RGL3: variants seen among roughly 807,000 people sequenced by gnomAD.
RGL3 encodes ral guanine nucleotide dissociation stimulator like 3.
Under a neutral mutation model 90.6 loss-of-function variants are expected in RGL3, and 85 were observed. The ratio of observed to expected loss-of-function variants is 0.94; its 90% confidence interval spans 0.79 to 1.12. The LOEUF (loss-of-function observed/expected upper bound fraction) is 1.12. Among genes scored for constraint, RGL3 ranks in the 50% most tolerant of loss-of-function variants. RGL3 has a pLI of 0.00. For missense variants in RGL3, 1,034 were observed against 939.2 expected (o/e 1.10, Z -1.32); for synonymous variants, 408 against 385.5 (o/e 1.06, Z -0.68).
intron 15 of RGL3, 25 bp from the exon 16 acceptor site, chr19:11,399,976 T>C (rs762459338): frequency 5.1e-6 from 8 of 1,568,302 alleles, no homozygotes; most frequent in Non-Finnish European, 6.9e-6. Context: ...GAGGCTGAGG[T>C]GGGGTGGCTG....
rs1248763466 is a variant in RGL3 at position 11,405,326 on chromosome 19, C to T, written c.1097G>A (p.Ser366Asn). The T allele has an allele frequency of 5.0e-6, 8 of 1,613,316 alleles. No individual in the cohort carries two copies. In the Admixed American group the frequency reaches 1.3e-4, roughly 27 times the overall value. Reference sequence around the variant, plus strand: ...AACAGGTCCCGCCCCAGCTCACCGGCTCACTGCCCCCCAGCTGCGCTTGAG... The same window carrying T: ...AACAGGTCCCGCCCCAGCTCACCGGTTCACTGCCCCCCAGCTGCGCTTGAG... ...YRLKRSWGAV[S>N]REPLSTFRKL... The change falls in exon 8 of 19, where the codon AGC (serine) becomes AAC (asparagine). Residue 366 changes from serine to asparagine, a missense_variant. Physicochemically the swap from Ser to Asn is conservative, Grantham distance 46. Transcript: ENST00000380456.
At chr19:11,414,338 TAC>T (rs1568341764) in intron 5 of RGL3, among the ~76,000 whole-genome samples, 2 of 110,036 alleles carry the variant, frequency 1.8e-5, no homozygotes, top group Non-Finnish European at 3.6e-5. Context: ...TATATATATA[TAC>T]CTTTATATAT....
At chr19:11,400,356 T>A in intron 13 of RGL3, 59 bp from the exon 14 acceptor site, 1 of 1,425,962 alleles carries the variant, frequency 7.0e-7, no homozygotes, top group Non-Finnish European at 9.4e-7. Flanking sequence ...GATGGAGAGA[T>A]AAGAGTTGGA....
At position 11,399,819 on chromosome 19, in the gene RGL3, C is replaced by T. The variant is rs544273850; in HGVS notation, c.1746+36G>A. 2.1e-5 allele frequency: 26 copies of T among 1,219,722 alleles called. No individual in the cohort carries two copies. The Admixed American group carries it at 4.4e-4, about 20-fold the overall frequency. 75.6% of individuals were successfully genotyped at this position (1,219,722 alleles called of 1,614,324 possible). A position where few individuals can be genotyped will look rare whatever the true frequency, so the allele number is the denominator to read the frequency against. On this transcript the variant is annotated intron_variant, in intron 16 of 18. Coordinates refer to ENST00000380456, the MANE Select transcript of RGL3 (RefSeq NM_001035223.4). The stretch of plus-strand genomic sequence containing the variant: ...TGCACACACACAGAGCCTGGGTGCC[C>T]GCAGGCCCGCATGCACACACAAGCC...
rs1315552688 is a variant in RGL3, at chr19:11,402,212, C to T, written c.1362+3G>A. On this transcript the variant is annotated splice_donor_region_variant and intron_variant, in intron 12 of 18. Transcript: ENST00000380456. ...CACCACACCCACTGTAGCCTCCACT[C>T]ACCTTCCTCCTCTTCTCAAAGTTAA... is the stretch of plus-strand genomic sequence containing the variant. The T allele has an allele frequency of 5.0e-6, 8 of 1,613,160 alleles. No individual in the cohort carries two copies. The highest frequency in any genetic ancestry group is 6.8e-6 in the Non-Finnish European group (8 of 1,179,722).
chr19:11,398,036 A>G (rs1968609332), intron 16 of RGL3, among the ~76,000 whole-genome samples: 1 of 152,038 alleles, frequency 6.6e-6, no homozygotes, highest in South Asian at 2.1e-4. Flanking sequence ...TAATAAAATA[A>G]AATAAAATCT....
intron 1 of RGL3, 158 bp from the exon 2 acceptor site, chr19:11,418,942 C>A: frequency 1.5e-6 from 1 of 652,132 alleles, no homozygotes; most frequent in African/African-American, 1.9e-5. Context: ...AGGCTAGTCC[C>A]CTCCTCGCTG....
At chr19:11,405,260 G>A (rs748420323) in intron 8 of RGL3, 29 bp from the exon 9 acceptor site, 1 of 1,612,898 alleles carries the variant, frequency 6.2e-7, no homozygotes, top group Non-Finnish European at 8.5e-7. Flanking sequence ...GGTGGTCAGG[G>A]GTCAGTGGCT....
rs771769943 is a variant in RGL3, at chr19:11,397,217, C to G, written c.2014+27G>C. 3 of 1,602,118 alleles carry G rather than the reference C, an allele frequency of 1.9e-6. No individual in the cohort carries two copies. The South Asian group carries it at 3.3e-5, about 18-fold the overall frequency. ...TGCTCGCCTCCCCGCTGCCCCCTATCCTGAGCTCCAACCCATCCCTGCTCA... is the reference window on the plus strand; with the variant it reads ...TGCTCGCCTCCCCGCTGCCCCCTATGCTGAGCTCCAACCCATCCCTGCTCA... On this transcript the variant is annotated intron_variant, in intron 18 of 18. Transcript: ENST00000380456.
intron 13 of RGL3, among the ~76,000 whole-genome samples, chr19:11,400,510 AAG>A (rs1161831947): frequency 6.6e-6 from 1 of 152,028 alleles, no homozygotes; most frequent in African/African-American, 2.4e-5. Context: ...GGAGGTCACA[AAG>A]AGATTCACAG....
At chr19:11,396,461 G>A (rs981005150) in intron 18 of RGL3, among the ~76,000 whole-genome samples, 8 of 150,750 alleles carry the variant, frequency 5.3e-5, no homozygotes, top group South Asian at 2.1e-4. Context: ...TTGAGCCACC[G>A]CACCCAGCCA....
Position 11,400,079 on chromosome 19 carries a change from G to C in RGL3, c.1610C>G (p.Pro537Arg), listed in dbSNP as rs550237910. The C allele has an allele frequency of 1.1e-4, 181 of 1,610,414 alleles. 1 individual carries two copies. In the South Asian group the frequency reaches 1.9e-3, roughly 17 times the overall value. ...TGAGGGGTCCCCGGGACTCCCACTA[G>C]GTGATGAGCTTTTCTCTCGGGCAAG... The part of the protein sequence containing the change: ...AKLAREKSSS[P>R]SGSPGDPSSP... Residue 537 changes from proline (P) to arginine (R), a missense_variant, in exon 15 of 19, where the codon CCT becomes CGT. Coordinates refer to ENST00000380456, the MANE Select transcript of RGL3 (RefSeq NM_001035223.4).
chr19:11,400,532 A>G (rs1489647915), intron 13 of RGL3, among the ~76,000 whole-genome samples: 1 of 151,960 alleles, frequency 6.6e-6, no homozygotes, highest in East Asian at 1.9e-4. Context: ...GGGTGGCACT[A>G]AGGAATCAAA....
chr19:11,402,164 G>GGCC, intron 12 of RGL3, 32 bp from the exon 13 acceptor site: 13 of 1,585,654 alleles, frequency 8.2e-6, no homozygotes, highest in Admixed American at 1.7e-5. Flanking sequence ...CCCTACCCCT[G>GGCC]CCCCACCCCC....
Position 11,405,406 on chromosome 19 carries a change from G to A in RGL3, c.1017C>T (p.Asn339=). 1.9e-6 allele frequency: 3 copies of A among 1,561,624 alleles called. No homozygotes were observed. Among genetic ancestry groups the A allele is most frequent in the Non-Finnish European group, 2.6e-6 (3 of 1,149,250 alleles). The change falls in exon 8 of 19, where the codon AAC becomes AAT. Residue 339 remains asparagine, a synonymous_variant. Transcript: ENST00000380456. ...RIAQRCRELR[N]FSSLRAILSA... Reference sequence around the variant, plus strand: ...ACAGGATGGCGCGCAAGGAGGAGAAGTTCCGCAGTTCTCGGCAGCGCTGCC... The same window carrying A: ...ACAGGATGGCGCGCAAGGAGGAGAAATTCCGCAGTTCTCGGCAGCGCTGCC...
rs376939909 is a variant in RGL3, at chr19:11,394,435, C to G, written c.2100G>C (p.Gly700=). ...GGGAGACAGACAGAGTGTTCCGGGT[C>G]CCCTCTTTCCGCCGCAGCATGAAGT... The part of the protein sequence containing the change: ...PRDFMLRRKE[G]TRNTLSVSPS The change falls in exon 19 of 19, where the codon GGG becomes GGC. Residue 700 remains glycine, a synonymous_variant. Coordinates refer to ENST00000380456, the MANE Select transcript of RGL3 (RefSeq NM_001035223.4). The G allele has an allele frequency of 1.5e-4, 248 of 1,613,756 alleles. No individual in the cohort carries two copies. The highest frequency in any genetic ancestry group is 2.0e-4 in the Non-Finnish European group (232 of 1,179,960).
At chr19:11,401,983 G>C (rs1421010083) in intron 13 of RGL3, 28 bp downstream of exon 13, 1 of 1,511,424 alleles carries the variant, frequency 6.6e-7, no homozygotes, top group African/African-American at 1.4e-5. Flanking sequence ...AGCTGGGGTG[G>C]GGCTGGGACA....
At position 11,406,574 on chromosome 19, in the gene RGL3, G is replaced by A. The variant is rs200871507; in HGVS notation, c.841C>T (p.Arg281Trp). 11 of 1,551,392 alleles carry A rather than the reference G, an allele frequency of 7.1e-6. No individual in the cohort carries two copies. In the African/African-American group the frequency reaches 9.5e-5, roughly 13 times the overall value. ...GGGGAGGCGCCTGCAGCCCCCGGCC[G>A]GTCCCTCTGCGACCACACGGAGCCC... ...CLGSVWSQRD[R>W]PGAAGASPTV... The change falls in exon 7 of 19, where the codon CGG becomes TGG. Residue 281 changes from arginine (R) to tryptophan (W), a missense_variant. Coordinates refer to ENST00000380456, the MANE Select transcript of RGL3 (RefSeq NM_001035223.4).
intron 5 of RGL3, among the ~76,000 whole-genome samples, chr19:11,413,263 T>C (rs543897437): frequency 2.3e-4 from 33 of 143,582 alleles, no homozygotes; most frequent in African/African-American, 8.2e-4. Flanking sequence ...GGGCCAGGCA[T>C]GGTAGCTCAC....
Sources: allele counts gnomAD v4.1 joint callset (sites outside exome capture counted in the v4.1 genomes callset), GRCh38; gene constraint gnomAD v4.1.1; transcripts MANE v1.5; gene names NCBI Gene and HGNC (gene_info 2026-07-23, HGNC 2026-07-21).